Variants in TINAG observed in about 807,000 individuals in gnomAD.
The protein encoded by TINAG is tubulointerstitial nephritis antigen.
Under a neutral mutation model 72.7 loss-of-function variants are expected in TINAG, and 83 were observed. The observed-to-expected ratio is 1.14, with a 90% CI of 0.96 to 1.37. The LOEUF (loss-of-function observed/expected upper bound fraction) is 1.37. Ranked by LOEUF, TINAG falls within the 40% of genes most tolerant of loss-of-function variation. The probability of loss-of-function intolerance (pLI) is 0.00; values close to 1 mark genes in which losing one functional copy is unlikely to be tolerated. For missense variants in TINAG, 685 were observed against 576.6 expected, an observed-to-expected ratio of 1.19 and a Z score of -1.93; for synonymous variants, 234 against 189.9, an observed-to-expected ratio of 1.23 and a Z score of -1.91.
At chr6:54,324,075 T>C (rs1420024735) in intron 3 of TINAG, among the ~76,000 whole-genome samples, 1 of 152,172 alleles carries the variant, frequency 6.6e-6, no homozygotes, top group Non-Finnish European at 1.5e-5. Flanking sequence ...AAGCTGTAAA[T>C]TAGTGGCACA....
intron 1 of TINAG, among the ~76,000 whole-genome samples, chr6:54,311,552 C>G (rs1354621282): frequency 2.6e-5 from 4 of 152,160 alleles, no homozygotes; most frequent in Non-Finnish European, 5.9e-5. Flanking sequence ...GAGAGGTAAC[C>G]TTTACTTATA....
chr6:54,314,476 A>G (rs1784327711), intron 1 of TINAG, among the ~76,000 whole-genome samples: 1 of 152,138 alleles, frequency 6.6e-6, no homozygotes, highest in Admixed American at 6.5e-5. Context: ...GGACATACCA[A>G]CCATCAAAGA....
chr6:54,371,537 T>C (rs1023272810), intron 9 of TINAG, among the ~76,000 whole-genome samples: 1 of 151,610 alleles, frequency 6.6e-6, no homozygotes, highest in Admixed American at 6.6e-5. Flanking sequence ...ATCTATAATG[T>C]GATATAATTT....
At chr6:54,384,876 T>C (rs1764055095) in intron 10 of TINAG, among the ~76,000 whole-genome samples, 1 of 152,186 alleles carries the variant, frequency 6.6e-6, no homozygotes, top group Admixed American at 6.5e-5. Flanking sequence ...TAAATATTGA[T>C]GAATATACAT....
At position 54,308,754 on chromosome 6, in the gene TINAG, T is replaced by C; in HGVS notation, c.204T>C (p.Asp68=). Residue 68 remains aspartate, a synonymous_variant, in exon 1 of 11, where the codon GAT becomes GAC. Transcript: ENST00000259782. ...TTGGCTGTTGTGAAGACAGAGATGA[T>C]GGCTGTGTCACTGAGTTCTATGCGG... The part of the protein sequence containing the change: ...RNFGCCEDRD[D]GCVTEFYAAN... 2 of 1,613,926 alleles carry C rather than the reference T, an allele frequency of 1.2e-6. No homozygotes were observed. The highest frequency in any genetic ancestry group is 1.7e-6 in the Non-Finnish European group (2 of 1,179,890).
At chr6:54,349,177 A>G (rs1031255136) in intron 6 of TINAG, among the ~76,000 whole-genome samples, 1 of 151,828 alleles carries the variant, frequency 6.6e-6, no homozygotes, top group Admixed American at 6.6e-5. Context: ...CCCTCAAAGT[A>G]TCACGAACTA....
chr6:54,347,666 G>A (rs1457417379), intron 6 of TINAG, 149 bp downstream of exon 6: 1 of 838,768 alleles, frequency 1.2e-6, no homozygotes, highest in Non-Finnish European at 1.8e-6. Flanking sequence ...ACATTTAAAT[G>A]TATACTATAT....
At chr6:54,340,185 T>C (rs901460412) in intron 4 of TINAG, among the ~76,000 whole-genome samples, 2 of 152,130 alleles carry the variant, frequency 1.3e-5, no homozygotes, top group East Asian at 1.9e-4. Flanking sequence ...ACTGTTCACA[T>C]TGAACATCAA....
At chr6:54,359,394 T>A (rs1193589549) in intron 9 of TINAG, among the ~76,000 whole-genome samples, 2 of 151,894 alleles carry the variant, frequency 1.3e-5, no homozygotes, top group African/African-American at 4.8e-5. Flanking sequence ...TACTTTTCTA[T>A]TATTCATAGA....
chr6:54,326,914 A>T lies in TINAG; in HGVS notation c.622A>T (p.Thr208Ser), dbSNP rs1784616356. 6.2e-7 allele frequency: 1 copy of T among 1,613,126 alleles called. No homozygotes were observed. Residue 208 changes from threonine (T) to serine (S), a missense_variant and splice_region_variant, in exon 4 of 11, where the codon ACA (threonine) becomes TCA (serine). Transcript: ENST00000259782. ...CATGCTCCTGAGCATGAATGAAATG[A>T]CAGTAAGTGTTCCTTCTGATTCACG... ...SPMLLSMNEM[T>S]ASLPATTDLP...
chr6:54,338,376 T>C (rs674157), intron 4 of TINAG, among the ~76,000 whole-genome samples: 152,137 of 152,276 alleles, frequency 1, 75,999 homozygotes, highest in Non-Finnish European at 1. Context: ...CAGGCACCTA[T>C]TCTCTGGCCT....
intron 9 of TINAG, among the ~76,000 whole-genome samples, chr6:54,371,361 T>C (rs1336074171): frequency 1.3e-5 from 2 of 152,052 alleles, no homozygotes; most frequent in Non-Finnish European, 2.9e-5. Flanking sequence ...TCTGTCTTAT[T>C]GTGAGGATTA....
At chr6:54,308,024 G>C, upstream of TINAG, 3 of 1,548,690 alleles carry the variant, frequency 1.9e-6, no homozygotes, top group Non-Finnish European at 2.6e-6. Flanking sequence ...GCATGATTTA[G>C]AGCAACTGTT....
intron 7 of TINAG, among the ~76,000 whole-genome samples, chr6:54,350,302 A>T: frequency 6.6e-6 from 1 of 152,054 alleles, no homozygotes; most frequent in East Asian, 1.9e-4. Flanking sequence ...AATAGAAAAA[A>T]GAGTCCCTTG....
Position 54,386,893 on chromosome 6 carries a change from T to C in TINAG, c.1297-2898T>C, listed in dbSNP as rs79501445. 9.0e-3 allele frequency among the ~76,000 whole-genome samples: 1,371 copies of C among 152,246 alleles called. 29 individuals carry two copies. The highest frequency in any genetic ancestry group is 0.049 in the East Asian group (255 of 5,182). ...TTCTTAAATCGGGCACAAAATAAAC[T>C]TTTTAAGAATAAATTATCAGACTAC... is the stretch of plus-strand genomic sequence containing the variant. On this transcript the variant is annotated intron_variant, in intron 10 of 10. Transcript: ENST00000259782.
chr6:54,308,671 GT>G lies in TINAG; in HGVS notation c.125del (p.Leu42CysfsTer91). 1 of 1,613,784 alleles carries G rather than the reference GT, an allele frequency of 6.2e-7. No homozygotes were observed. On this transcript the variant is annotated frameshift_variant, in exon 1 of 11. Coordinates refer to ENST00000259782, the MANE Select transcript of TINAG (RefSeq NM_014464.4). LOFTEE classifies it high-confidence loss of function. ...GGCTTATTTCACTAGGAATCACACC[GT>G]TTTGCAAGGTACTCGATTCAAAAGA... ...LEAYFTRNHT[V>X]LQGTRFKRAI...
chr6:54,380,700 T>C lies in TINAG; in HGVS notation c.1296+129T>C, dbSNP rs1763920313. On this transcript the variant is annotated intron_variant, in intron 10 of 10. Coordinates refer to ENST00000259782, the MANE Select transcript of TINAG (RefSeq NM_014464.4). ...TGTAATATTGTTGATAACATCAGTG[T>C]TTTCGCCAGCACAAAACTTATTATA... The C allele has an allele frequency of 8.8e-6, 5 of 565,816 alleles. No individual in the cohort carries two copies. In the South Asian group the frequency reaches 1.4e-4, roughly 15 times the overall value. 35.0% of individuals were successfully genotyped at this position (565,816 alleles called of 1,614,324 possible).
intron 6 of TINAG, 46 bp downstream of exon 6, chr6:54,347,563 G>C (rs1488018421): frequency 6.3e-7 from 1 of 1,598,190 alleles, no homozygotes; most frequent in East Asian, 2.3e-5. Context: ...TATGAATGAT[G>C]CATTGTGTTA....
chr6:54,308,200 G>C (rs1217397020), upstream of TINAG: 4 of 1,349,870 alleles, frequency 3.0e-6, no homozygotes, highest in African/African-American at 1.5e-5. Context: ...GGAGGCTTTC[G>C]ATTTAAGAAC....
Sources: gnomAD v4.1 joint callset for allele counts (sites outside exome capture counted in the v4.1 genomes callset) on GRCh38, gnomAD v4.1.1 for gene constraint, MANE v1.5 for transcripts, NCBI Gene and HGNC (gene_info 2026-07-23, HGNC 2026-07-21) for gene names.